SLC2A13: variants seen among roughly 807,000 people sequenced by gnomAD.
SLC2A13 encodes solute carrier family 2 member 13.
A neutral mutation model predicts 64.4 loss-of-function variants in SLC2A13; 32 were observed. The ratio of observed to expected loss-of-function variants is 0.50; its 90% CI spans 0.37 to 0.67. The LOEUF is 0.67. SLC2A13 is among the 30% of genes least tolerant of loss of function. The pLI is 0.00. For synonymous variants in SLC2A13, 338 were observed against 327.1 expected (o/e 1.03, Z -0.36); for missense variants, 743 against 829.2 (o/e 0.90, Z 1.28).
At chr12:39,816,486 G>A (rs1201980547) in intron 7 of SLC2A13, among the ~76,000 whole-genome samples, 1 of 150,446 alleles carries the variant, frequency 6.6e-6, no homozygotes, top group Non-Finnish European at 1.5e-5. Context: ...TGTAAATGAC[G>A]AGTTAATGGG....
intron 2 of SLC2A13, among the ~76,000 whole-genome samples, chr12:40,033,032 G>A (rs1947927379): frequency 6.6e-6 from 1 of 152,178 alleles, no homozygotes; most frequent in Non-Finnish European, 1.5e-5. Flanking sequence ...CAGTTACCGT[G>A]TGCCAAGCAC....
At chr12:39,900,247 AAAAACT>A (rs1401810630) in intron 4 of SLC2A13, among the ~76,000 whole-genome samples, 1 of 152,132 alleles carries the variant, frequency 6.6e-6, no homozygotes, top group Non-Finnish European at 1.5e-5. Context: ...CTGAATGGGC[AAAAACT>A]GGAAGCATTC....
At chr12:40,070,761 T>C (rs375890120) in intron 1 of SLC2A13, among the ~76,000 whole-genome samples, 10 of 152,300 alleles carry the variant, frequency 6.6e-5, no homozygotes, top group East Asian at 5.8e-4. Flanking sequence ...TCCTAGTTAC[T>C]TCCCTTCACC....
chr12:40,056,557 A>AGG (rs1212151836), intron 1 of SLC2A13, among the ~76,000 whole-genome samples: 24 of 152,200 alleles, frequency 1.6e-4, no homozygotes, highest in African/African-American at 5.8e-4. Context: ...AAGCAACAGC[A>AGG]TAAGTGGTGT....
At chr12:39,865,936 T>A (rs1943898479) in intron 5 of SLC2A13, among the ~76,000 whole-genome samples, 1 of 152,212 alleles carries the variant, frequency 6.6e-6, no homozygotes, top group South Asian at 2.1e-4. Context: ...AGTGTGCTTA[T>A]TATCTGGGTG....
chr12:39,765,319 A>T (rs1230390310), intron 7 of SLC2A13, among the ~76,000 whole-genome samples: 1 of 152,028 alleles, frequency 6.6e-6, no homozygotes. Context: ...TGGATGAGGG[A>T]AACAAATGAT....
intron 4 of SLC2A13, among the ~76,000 whole-genome samples, chr12:39,893,205 T>C (rs1400075542): frequency 6.6e-6 from 1 of 152,210 alleles, no homozygotes; most frequent in African/African-American, 2.4e-5. Flanking sequence ...TCTAGAAAAA[T>C]GCTTAGCAAC....
chr12:39,929,627 C>CA (rs1189582509), intron 4 of SLC2A13, among the ~76,000 whole-genome samples: 3 of 151,884 alleles, frequency 2.0e-5, no homozygotes, highest in African/African-American at 4.8e-5. Flanking sequence ...AGCATTTCTA[C>CA]AGCTGTCCCT....
At chr12:39,873,724 T>C (rs2135943802) in intron 4 of SLC2A13, among the ~76,000 whole-genome samples, 1 of 152,152 alleles carries the variant, frequency 6.6e-6, no homozygotes, top group East Asian at 1.9e-4. Flanking sequence ...AATGAAGGGA[T>C]AGAAAGGAGA....
At chr12:39,868,075 C>A (rs1380736025) in intron 5 of SLC2A13, among the ~76,000 whole-genome samples, 1 of 152,180 alleles carries the variant, frequency 6.6e-6, no homozygotes, top group African/African-American at 2.4e-5. Context: ...GATGTTTTAT[C>A]AGTCCCTTGT....
chr12:39,769,744 T>TA, intron 7 of SLC2A13, among the ~76,000 whole-genome samples: 1 of 151,918 alleles, frequency 6.6e-6, no homozygotes, highest in Non-Finnish European at 1.5e-5. Context: ...AGATCTCTCT[T>TA]ACTCAAATGT....
chr12:40,044,718 G>A (rs1012445998), intron 2 of SLC2A13, among the ~76,000 whole-genome samples: 4 of 152,072 alleles, frequency 2.6e-5, no homozygotes, highest in Non-Finnish European at 5.9e-5. Context: ...TAAAAAATAA[G>A]AGAACAGAAA....
At chr12:40,000,076 C>T (rs778771606) in intron 3 of SLC2A13, among the ~76,000 whole-genome samples, 11 of 152,234 alleles carry the variant, frequency 7.2e-5, no homozygotes, top group South Asian at 6.2e-4. Flanking sequence ...TGAGATCTGA[C>T]GGTTTTAAAA....
rs1361429373 is a variant in SLC2A13 at position 40,082,181 on chromosome 12, A to T, written c.556+23072T>A. Among the ~76,000 whole-genome samples the T allele has an allele frequency of 7.2e-5, 11 of 152,338 alleles. No individual in the cohort carries two copies. The East Asian group carries it at 2.1e-3, about 29-fold the overall frequency. On this transcript the variant is annotated intron_variant, in intron 1 of 9. Coordinates refer to ENST00000280871, the MANE Select transcript of SLC2A13 (RefSeq NM_052885.4). ...CCAGTGACAGTGTGGTAGTGAGGTT[A>T]GCATGCACACGGCATGTACACATAG... is the stretch of plus-strand genomic sequence containing the variant.
At chr12:40,096,735 A>G (rs73093506) in intron 1 of SLC2A13, among the ~76,000 whole-genome samples, 1 of 151,872 alleles carries the variant, frequency 6.6e-6, no homozygotes, top group African/African-American at 2.4e-5. Context: ...TATACAGTAT[A>G]CCCTATACAT....
At chr12:40,000,359 T>C (rs1947302974) in intron 3 of SLC2A13, among the ~76,000 whole-genome samples, 2 of 152,224 alleles carry the variant, frequency 1.3e-5, no homozygotes, top group Non-Finnish European at 2.9e-5. Flanking sequence ...CTATATAATC[T>C]GTGAACCTCT....
At chr12:40,028,269 T>G (rs1489744904) in intron 3 of SLC2A13, 32 bp downstream of exon 3, 1 of 1,551,146 alleles carries the variant, frequency 6.4e-7, no homozygotes, top group African/African-American at 1.4e-5. Context: ...CTGTATAGTT[T>G]TTAAATTCAT....
chr12:39,760,068 A>G lies in SLC2A13; in HGVS notation c.1905T>C (p.Ser635=). 6.2e-7 allele frequency: 1 copy of G among 1,612,708 alleles called. No individual in the cohort carries two copies. ...CATCATTGTCAGAAAGATGATAGTT[A>G]CTTCCCTTTACCCGAATATATTCAA... ...RYIEYIRVKG[S]NYHLSDNDAS... is the part of the protein sequence containing the mutation. The change falls in exon 10 of 10, where the codon AGT becomes AGC. Residue 635 remains serine (S), a synonymous_variant. Coordinates refer to ENST00000280871, the MANE Select transcript of SLC2A13 (RefSeq NM_052885.4).
At chr12:39,901,957 G>C (rs1193196243) in intron 4 of SLC2A13, among the ~76,000 whole-genome samples, 2 of 152,034 alleles carry the variant, frequency 1.3e-5, no homozygotes, top group Non-Finnish European at 2.9e-5. Flanking sequence ...GTCCATCAAT[G>C]ATAGACTGGA....
Sources: allele counts gnomAD v4.1 joint callset (sites outside exome capture counted in the v4.1 genomes callset), GRCh38; gene constraint gnomAD v4.1.1; transcripts MANE v1.5; gene names NCBI Gene and HGNC (gene_info 2026-07-23, HGNC 2026-07-21).